The following SULF2 variants were observed in gnomAD, a reference collection of about 807,000 sequenced individuals.
SULF2 encodes extracellular sulfatase Sulf-2.
Under a neutral mutation model 107.7 loss-of-function variants are expected in SULF2, and 52 were observed. The ratio of observed to expected loss-of-function variants is 0.48; its 90% CI spans 0.39 to 0.61. The LOEUF is 0.61. Among genes scored for constraint, SULF2 ranks in the 20% least tolerant of loss-of-function variants. The pLI is 0.00. For missense variants in SULF2, 993 were observed against 1,177.3 expected (o/e 0.84, Z 2.29); for synonymous variants, 460 against 464.3 (o/e 0.99, Z 0.12).
intron 3 of SULF2, among the ~76,000 whole-genome samples, chr20:47,719,964 GTTTTA>G (rs2089238682): frequency 6.6e-6 from 1 of 152,112 alleles, no homozygotes; most frequent in East Asian, 1.9e-4. Context: ...TCAAATTTTT[GTTTTA>G]TTTTTTGAGA....
chr20:47,670,471 C>T (rs1187475801), intron 11 of SULF2, among the ~76,000 whole-genome samples: 5 of 151,122 alleles, frequency 3.3e-5, no homozygotes, highest in Non-Finnish European at 7.4e-5. Context: ...GGATTACAGG[C>T]GTGAGCCACT....
intron 1 of SULF2, among the ~76,000 whole-genome samples, chr20:47,764,737 T>A (rs1288441562): frequency 6.6e-6 from 1 of 152,148 alleles, no homozygotes; most frequent in African/African-American, 2.4e-5. Flanking sequence ...CTCAAAAAAG[T>A]GCCCTTTGCT....
At chr20:47,669,769 C>A (rs914900507) in intron 11 of SULF2, among the ~76,000 whole-genome samples, 2 of 152,150 alleles carry the variant, frequency 1.3e-5, no homozygotes, top group Admixed American at 6.5e-5. Flanking sequence ...GGATTCTGAC[C>A]AGGGCTGAGC....
chr20:47,713,602 G>C (rs2089006053), intron 3 of SULF2, among the ~76,000 whole-genome samples: 7 of 151,740 alleles, frequency 4.6e-5, no homozygotes, highest in Admixed American at 3.9e-4. Flanking sequence ...CTCTGAAAAA[G>C]GGCCAGGCGT....
intron 3 of SULF2, among the ~76,000 whole-genome samples, chr20:47,712,053 A>G (rs2088950273): frequency 6.6e-6 from 1 of 152,238 alleles, no homozygotes. Flanking sequence ...CGAATACACA[A>G]CATACACATA....
At chr20:47,665,386 G>T (rs548652164) in intron 13 of SULF2, 93 bp from the exon 14 acceptor site, 22 of 869,594 alleles carry the variant, frequency 2.5e-5, no homozygotes, top group Non-Finnish European at 4.1e-5. Flanking sequence ...CCGTGTCTGT[G>T]CTCAGCAGCG....
chr20:47,763,359 C>T (rs753134325), intron 1 of SULF2, among the ~76,000 whole-genome samples: 1 of 152,186 alleles, frequency 6.6e-6, no homozygotes, highest in Non-Finnish European at 1.5e-5. Context: ...CCTCACCTTC[C>T]CAATGCCACA....
intron 2 of SULF2, among the ~76,000 whole-genome samples, chr20:47,744,136 C>A (rs190539066): frequency 2.6e-4 from 39 of 152,248 alleles, no homozygotes; most frequent in Admixed American, 2.1e-3. Flanking sequence ...GAGTCAAGGG[C>A]TATCTCTGCT....
chr20:47,709,406 GCCT>G (rs1259745493), intron 3 of SULF2, among the ~76,000 whole-genome samples: 1 of 152,230 alleles, frequency 6.6e-6, no homozygotes, highest in Non-Finnish European at 1.5e-5. Flanking sequence ...AGCACTTACT[GCCT>G]CCTGTGTGCC....
At chr20:47,777,743 T>C (rs1396715382) in intron 1 of SULF2, among the ~76,000 whole-genome samples, 8 of 152,134 alleles carry the variant, frequency 5.3e-5, no homozygotes, top group Non-Finnish European at 1.5e-5. Flanking sequence ...AGTCTATGGA[T>C]AGTATCTGTC....
chr20:47,677,543 G>T (rs1047819845), intron 8 of SULF2, among the ~76,000 whole-genome samples: 5 of 152,126 alleles, frequency 3.3e-5, no homozygotes, highest in Non-Finnish European at 7.4e-5. Context: ...AGGCGCAGTG[G>T]TTTGGCGTCT....
intron 18 of SULF2, among the ~76,000 whole-genome samples, chr20:47,660,185 A>G (rs1488153815): frequency 6.6e-6 from 1 of 152,238 alleles, no homozygotes; most frequent in Non-Finnish European, 1.5e-5. Context: ...ACTCCTCCAT[A>G]AAATGAGGAT....
intron 3 of SULF2, among the ~76,000 whole-genome samples, chr20:47,703,996 A>G (rs1244063666): frequency 6.6e-6 from 1 of 152,190 alleles, no homozygotes; most frequent in Non-Finnish European, 1.5e-5. Flanking sequence ...AACAGTGGGT[A>G]TCCTGGAGAC....
chr20:47,735,564 G>A (rs1010168690), intron 3 of SULF2, among the ~76,000 whole-genome samples: 50 of 152,158 alleles, frequency 3.3e-4, no homozygotes, highest in African/African-American at 1.1e-3. Context: ...TGGTGGCCAT[G>A]GTAACTTCTG....
chr20:47,702,423 G>T (rs1023470179), intron 4 of SULF2, 96 bp downstream of exon 4: 11 of 1,419,866 alleles, frequency 7.7e-6, no homozygotes, highest in South Asian at 1.4e-5. Context: ...TTAAGTGCCT[G>T]AGTCACAATC....
At chr20:47,687,266 C>T (rs940576423) in intron 5 of SULF2, among the ~76,000 whole-genome samples, 3 of 152,062 alleles carry the variant, frequency 2.0e-5, no homozygotes, top group Non-Finnish European at 2.9e-5. Flanking sequence ...TGCTTGGGGT[C>T]GACGCCAGCT....
intron 3 of SULF2, among the ~76,000 whole-genome samples, chr20:47,732,350 G>A (rs535387729): frequency 5.1e-4 from 78 of 152,350 alleles, no homozygotes; most frequent in African/African-American, 1.8e-3. Context: ...CCAAGTTCAT[G>A]CAGGCAGAAA....
chr20:47,713,660 G>A (rs528617118), intron 3 of SULF2, among the ~76,000 whole-genome samples: 1 of 152,120 alleles, frequency 6.6e-6, no homozygotes, highest in African/African-American at 2.4e-5. Context: ...CAAAGTAGGA[G>A]GATCACTTGA....
intron 2 of SULF2, among the ~76,000 whole-genome samples, chr20:47,738,729 G>A (rs1488878696): frequency 6.6e-6 from 1 of 152,154 alleles, no homozygotes; most frequent in Non-Finnish European, 1.5e-5. Flanking sequence ...TTCACCTTCT[G>A]CCATGATCCT....
Sources: gnomAD v4.1 joint callset for allele counts (sites outside exome capture counted in the v4.1 genomes callset) on GRCh38, gnomAD v4.1.1 for gene constraint, MANE v1.5 for transcripts, NCBI Gene and HGNC (gene_info 2026-07-23, HGNC 2026-07-21) for gene names.